DBNL: variants seen among roughly 807,000 people sequenced by gnomAD.
The protein encoded by DBNL is drebrin-like protein.
In DBNL, 35 loss-of-function variants were observed where a neutral mutation model predicts 62.2. The observed-to-expected ratio is 0.56, with a 90% CI of 0.43 to 0.75. The LOEUF is 0.75. Among genes scored for constraint, DBNL ranks in the 30% least tolerant of loss-of-function variants. The pLI is 0.00. For missense variants in DBNL, 495 were observed against 578.4 expected (o/e 0.86, Z 1.48); for synonymous variants, 197 against 218.0 (o/e 0.90, Z 0.85).
intron 2 of DBNL, 51 bp from the exon 3 acceptor site, chr7:44,051,779 C>T (rs773395016): frequency 6.3e-7 from 1 of 1,578,882 alleles, no homozygotes; most frequent in Non-Finnish European, 8.7e-7. Flanking sequence ...GGACCAGGGC[C>T]AGCAGGGAAT....
intron 1 of DBNL, among the ~76,000 whole-genome samples, chr7:44,049,214 T>A (rs1479848457): frequency 2.0e-5 from 3 of 152,140 alleles, no homozygotes; most frequent in South Asian, 4.1e-4. Flanking sequence ...TGGAGTGCAG[T>A]GGCGCGATCT....
chr7:44,050,186 A>G, intron 1 of DBNL, 39 bp from the exon 2 acceptor site: 1 of 1,610,750 alleles, frequency 6.2e-7, no homozygotes, highest in Non-Finnish European at 8.5e-7. Context: ...GATGGAACCC[A>G]AGGTGCTGGC....
intron 1 of DBNL, among the ~76,000 whole-genome samples, chr7:44,045,919 A>T (rs1378061875): frequency 6.6e-6 from 1 of 152,234 alleles, no homozygotes; most frequent in East Asian, 1.9e-4. Context: ...GATGGCACTT[A>T]TGCCAAACAG....
chr7:44,050,122 C>G, intron 1 of DBNL, 103 bp from the exon 2 acceptor site: 2 of 1,340,696 alleles, frequency 1.5e-6, no homozygotes, highest in Non-Finnish European at 2.1e-6. Context: ...GTGTTACTGT[C>G]AGCCCAAGCT....
In DBNL at chr7:44,064,793, G is replaced by GC. The variant is rs2096155977; in HGVS notation, c.*3880dup. 41 of 1,136,956 alleles carry GC rather than the reference G, an allele frequency of 3.6e-5. No individual in the cohort carries two copies. Among genetic ancestry groups the GC allele is most frequent in the East Asian group, 7.5e-5 (3 of 40,036 alleles). 70.4% of individuals were successfully genotyped at this position (1,136,956 alleles called of 1,614,324 possible). On this transcript the variant is annotated 3_prime_UTR_variant, in exon 13 of 13. Transcript: ENST00000448521. Reference sequence around the variant, plus strand: ...AGATGAGAAGCCAGCTGGGGCTGCTGCCCACCCACCCTGCCCAGGCTCCTG... The same window carrying GC: ...AGATGAGAAGCCAGCTGGGGCTGCTGCCCCACCCACCCTGCCCAGGCTCCTG...
At chr7:44,050,634 T>C (rs544198932) in intron 2 of DBNL, 37 of 250,758 alleles carry the variant, frequency 1.5e-4, no homozygotes, top group Middle Eastern at 1.5e-3. Context: ...TTCTTCTCCC[T>C]TTGTCCTGCC....
chr7:44,059,204 T>C lies in DBNL; in HGVS notation c.836-150T>C. 2 of 922,540 alleles carry C rather than the reference T, an allele frequency of 2.2e-6. No homozygotes were observed. The highest frequency in any genetic ancestry group is 3.3e-6 in the Non-Finnish European group (2 of 613,652). 57.1% of individuals were successfully genotyped at this position (922,540 alleles called of 1,614,324 possible). A position where few individuals can be genotyped will look rare whatever the true frequency, so the allele number is the denominator to read the frequency against. On this transcript the variant is annotated intron_variant, in intron 9 of 12. Transcript: ENST00000448521. This position sits in a 1 kb window ranked among gnomAD's most constrained non-coding sequence, Gnocchi z 4.1. ...CTGCGCTGTCTACCACGTCACCACA[T>C]AGCACATGGCCCTGGGGCCTCTGTT...
Position 44,058,120 on chromosome 7 carries a change from TC to T in DBNL, c.553-6del. The T allele has an allele frequency of 6.4e-7, 1 of 1,553,480 alleles. No individual in the cohort carries two copies. The highest frequency in any genetic ancestry group is 1.2e-5 in the South Asian group (1 of 84,212). ...CATAGGGCTGAGCGGGCAGTGGCTC[TC>T]CCTGCAGAAGGAGGAGGAGAACCGT... is the stretch of plus-strand genomic sequence containing the variant. On this transcript the variant is annotated splice_region_variant and splice_polypyrimidine_tract_variant and intron_variant, in intron 6 of 12. Coordinates refer to ENST00000448521, the MANE Select transcript of DBNL (RefSeq NM_001014436.3).
Position 44,064,336 on chromosome 7 carries a change from T to G in DBNL, c.*3420T>G, listed in dbSNP as rs966696220. On this transcript the variant is annotated 3_prime_UTR_variant, in exon 13 of 13. Coordinates refer to ENST00000448521, the MANE Select transcript of DBNL (RefSeq NM_001014436.3). ...CCCAGAGAGGGGCTCCAGAGGGAGA[T>G]AGGTGGTGAAGCTCATGCAGGGATT... The G allele has an allele frequency of 5.0e-6, 1 of 199,008 alleles. No individual in the cohort carries two copies. The highest frequency in any genetic ancestry group is 1.0e-5 in the Non-Finnish European group (1 of 95,990). The allele number at this position is 199,008 out of a possible 1,614,324, so 12.3% of individuals were successfully genotyped here.
At chr7:44,046,697 C>A (rs1312700950) in intron 1 of DBNL, among the ~76,000 whole-genome samples, 1 of 152,202 alleles carries the variant, frequency 6.6e-6, no homozygotes, top group African/African-American at 2.4e-5. Context: ...CCCTCATCGT[C>A]ACAGCCATTA....
rs747929356 is a variant in DBNL at position 44,065,676 on chromosome 7, G to A, written c.*4760G>A. 7.9e-6 allele frequency: 6 copies of A among 757,768 alleles called. No individual in the cohort carries two copies. Among genetic ancestry groups the A allele is most frequent in the Non-Finnish European group, 1.4e-5 (6 of 444,368 alleles). The allele number at this position is 757,768 out of a possible 1,614,324, so 46.9% of individuals were successfully genotyped here. A position where few individuals can be genotyped will look rare whatever the true frequency, so the allele number is the denominator to read the frequency against. On this transcript the variant is annotated 3_prime_UTR_variant, in exon 13 of 13. Coordinates refer to ENST00000448521, the MANE Select transcript of DBNL (RefSeq NM_001014436.3). ...GCGGTGGCAGGTGACCAGTAGCTGA[G>A]CTGCTGGGGGCTGGGGGCCAGGGGA...
At position 44,064,804 on chromosome 7, in the gene DBNL, C is replaced by A; in HGVS notation, c.*3888C>A. The A allele has an allele frequency of 2.8e-6, 4 of 1,437,740 alleles. No homozygotes were observed. The South Asian group carries it at 3.6e-5, about 13-fold the overall frequency. 89.1% of individuals were successfully genotyped at this position (1,437,740 alleles called of 1,614,324 possible). A position where few individuals can be genotyped will look rare whatever the true frequency, so the allele number is the denominator to read the frequency against. On this transcript the variant is annotated 3_prime_UTR_variant, in exon 13 of 13. Transcript: ENST00000448521. ...CAGCTGGGGCTGCTGCCCACCCACC[C>A]TGCCCAGGCTCCTGAAGGTGGCCTC...
intron 4 of DBNL, among the ~76,000 whole-genome samples, chr7:44,053,961 C>A (rs1359128550): frequency 1.3e-5 from 2 of 152,134 alleles, no homozygotes; most frequent in African/African-American, 4.8e-5. Flanking sequence ...CAGGCGTGAA[C>A]CACCACGCCC....
Position 44,064,797 on chromosome 7 carries a change from A to AGCCCC in DBNL, c.*3881_*3882insGCCCC, listed in dbSNP as rs2128796236. The AGCCCC allele has an allele frequency of 3.2e-6, 2 of 633,300 alleles. No individual in the cohort carries two copies. Among genetic ancestry groups the AGCCCC allele is most frequent in the Non-Finnish European group, 5.5e-6 (2 of 361,382 alleles). 39.2% of individuals were successfully genotyped at this position (633,300 alleles called of 1,614,324 possible). On this transcript the variant is annotated 3_prime_UTR_variant, in exon 13 of 13. Transcript: ENST00000448521. ...GAGAAGCCAGCTGGGGCTGCTGCCCACCCACCCTGCCCAGGCTCCTGAAGG... is the reference window on the plus strand; with the variant it reads ...GAGAAGCCAGCTGGGGCTGCTGCCCAGCCCCCCCACCCTGCCCAGGCTCCTGAAGG...
At chr7:44,046,760 A>G (rs115332443) in intron 1 of DBNL, among the ~76,000 whole-genome samples, 1,650 of 152,300 alleles carry the variant, frequency 0.011, 41 homozygotes, top group African/African-American at 0.038. Flanking sequence ...CTGCGGAAAA[A>G]TATCTGGACC....
chr7:44,050,414 CT>C, intron 2 of DBNL, 134 bp downstream of exon 2: 1 of 874,972 alleles, frequency 1.1e-6, no homozygotes, highest in Non-Finnish European at 1.9e-6. Context: ...TCTGGCAGGC[CT>C]TAGGTTTCAG....
Position 44,063,348 on chromosome 7 carries a change from G to A in DBNL, c.*2432G>A, listed in dbSNP as rs199508598. 2.9e-5 allele frequency: 8 copies of A among 271,832 alleles called. No individual in the cohort carries two copies. The highest frequency in any genetic ancestry group is 5.0e-5 in the Non-Finnish European group (7 of 138,734). 16.8% of individuals were successfully genotyped at this position (271,832 alleles called of 1,614,324 possible). A position where few individuals can be genotyped will look rare whatever the true frequency, so the allele number is the denominator to read the frequency against. On this transcript the variant is annotated 3_prime_UTR_variant, in exon 13 of 13. Coordinates refer to ENST00000448521, the MANE Select transcript of DBNL (RefSeq NM_001014436.3). ...TGCCCAGGCTGGAGTGCAGTGGCAC[G>A]ATCTTGGCTCACTGCAACCTCCATC...
intron 2 of DBNL, chr7:44,051,290 C>G (rs189523094): frequency 6.4e-6 from 1 of 155,684 alleles, no homozygotes; most frequent in East Asian, 1.9e-4. Flanking sequence ...CCCCCTGTCC[C>G]CATCACCCTC....
chr7:44,064,797 AC>A lies in DBNL; in HGVS notation c.*3884del. The A allele has an allele frequency of 1.7e-5, 11 of 633,288 alleles. No individual in the cohort carries two copies. Among genetic ancestry groups the A allele is most frequent in the Non-Finnish European group, 2.2e-5 (8 of 361,368 alleles). The allele number at this position is 633,288 out of a possible 1,614,324, so 39.2% of individuals were successfully genotyped here. A position where few individuals can be genotyped will look rare whatever the true frequency, so the allele number is the denominator to read the frequency against. On this transcript the variant is annotated 3_prime_UTR_variant, in exon 13 of 13. Coordinates refer to ENST00000448521, the MANE Select transcript of DBNL (RefSeq NM_001014436.3). Reference sequence around the variant, plus strand: ...GAGAAGCCAGCTGGGGCTGCTGCCCACCCACCCTGCCCAGGCTCCTGAAGGT... The same window carrying A: ...GAGAAGCCAGCTGGGGCTGCTGCCCACCACCCTGCCCAGGCTCCTGAAGGT...
Sources: allele counts gnomAD v4.1 joint callset (sites outside exome capture counted in the v4.1 genomes callset), GRCh38; gene constraint gnomAD v4.1.1; non-coding constraint Gnocchi (gnomAD v3.1); transcripts MANE v1.5; gene names NCBI Gene and HGNC (gene_info 2026-07-23, HGNC 2026-07-21).